HERC1: variants seen among roughly 807,000 people sequenced by gnomAD.
The protein encoded by HERC1 is HECT and RLD domain containing E3 ubiquitin protein ligase family member 1.
In HERC1, 160 loss-of-function variants were observed where a neutral mutation model predicts 554.3. That is an observed-to-expected ratio of 0.29 (90% CI 0.25 to 0.33). The LOEUF (loss-of-function observed/expected upper bound fraction) is 0.33, where lower values mean the gene tolerates loss of function less well. Ranked by LOEUF, HERC1 falls within the 10% of genes least tolerant of loss-of-function variation. HERC1 has a pLI of 1.00. For synonymous variants in HERC1, 2,175 were observed against 2,131.7 expected (o/e 1.02, Z -0.56); for missense variants, 4,919 against 5,918.5 (o/e 0.83, Z 5.54).
At chr15:63,666,311 G>A (rs1331942920) in intron 41 of HERC1, 45 bp downstream of exon 41, 1 of 1,442,916 alleles carries the variant, frequency 6.9e-7, no homozygotes, top group African/African-American at 1.4e-5. Context: ...AATAAGCTAG[G>A]ACTTCTCATA....
rs1483591796 is a variant in HERC1, at chr15:63,633,943, C to T, written c.12598G>A (p.Ala4200Thr). Residue 4200 changes from alanine (A) to threonine (T), a missense_variant, in exon 67 of 78, where the codon GCA becomes ACA. Ala to Thr is a moderately conservative substitution (Grantham distance 58). This residue lies in a region of HERC1 where 410 missense variants were observed against 467.0 expected (regional missense o/e 0.88). Transcript: ENST00000443617. The stretch of plus-strand genomic sequence containing the variant: ...ACCATGGAACCATCTGCTGACACTG[C>T]CAAAGTGTGGTTTAATCCACAGGCC... ...QVACGLNHTL[A>T]VSADGSMVWA... 3 of 1,613,872 alleles carry T rather than the reference C, an allele frequency of 1.9e-6. No individual in the cohort carries two copies. The highest frequency in any genetic ancestry group is 2.2e-5 in the South Asian group (2 of 91,058).
At position 63,727,886 on chromosome 15, in the gene HERC1, T is replaced by C; in HGVS notation, c.3155-48A>G. 1 of 1,493,234 alleles carries C rather than the reference T, an allele frequency of 6.7e-7. No individual in the cohort carries two copies. 92.5% of individuals were successfully genotyped at this position (1,493,234 alleles called of 1,614,324 possible). On this transcript the variant is annotated intron_variant, in intron 16 of 77. Transcript: ENST00000443617. The surrounding 1 kb of genome is among the most constrained non-coding windows in gnomAD (Gnocchi z 4.3). ...CATGGGACAATTGCTTCAAATGAAC[T>C]TTAAAAAAAGGAACCTAATAAATAT...
At chr15:63,819,598 C>T (rs146390156) in intron 1 of HERC1, among the ~76,000 whole-genome samples, 95 of 152,268 alleles carry the variant, frequency 6.2e-4, no homozygotes, top group African/African-American at 2.2e-3. Flanking sequence ...AACATCTATT[C>T]CTCTCCTTGG....
At chr15:63,637,667 A>G (rs1232482861) in intron 63 of HERC1, 24 bp from the exon 64 acceptor site, 12 of 1,531,544 alleles carry the variant, frequency 7.8e-6, no homozygotes, top group Non-Finnish European at 1.1e-5. Context: ...ACAGAATTAA[A>G]TATTTTATTC....
intron 33 of HERC1, among the ~76,000 whole-genome samples, chr15:63,688,466 C>G (rs956112319): frequency 8.5e-5 from 13 of 152,158 alleles, no homozygotes; most frequent in African/African-American, 2.9e-4. Flanking sequence ...AATGCCAGAA[C>G]TTGAATTTAA....
At chr15:63,746,383 A>G (rs1008768942) in intron 12 of HERC1, among the ~76,000 whole-genome samples, 5 of 152,186 alleles carry the variant, frequency 3.3e-5, no homozygotes, top group Non-Finnish European at 5.9e-5. Flanking sequence ...AAATATATAG[A>G]TATTTTTAAG....
At position 63,826,907 on chromosome 15, in the gene HERC1, C is replaced by T. The variant is rs184723686; in HGVS notation, c.-27+6920G>A. Among the ~76,000 whole-genome samples the T allele has an allele frequency of 1.1e-3, 150 of 138,940 alleles. 3 individuals carry two copies. In the East Asian group the frequency reaches 0.032, roughly 29 times the overall value. The allele number at this position is 138,940 out of a possible 152,430, so 91.2% of individuals were successfully genotyped here. A position where few individuals can be genotyped will look rare whatever the true frequency, so the allele number is the denominator to read the frequency against. On this transcript the variant is annotated intron_variant, in intron 1 of 77. Transcript: ENST00000443617. ...ACTGGTGAGAATGCAAATTGGTATA[C>T]TTGTGGAGGAAAATCTGGAATTTGG...
intron 1 of HERC1, among the ~76,000 whole-genome samples, chr15:63,825,228 G>A (rs2077853553): frequency 2.6e-5 from 4 of 152,192 alleles, no homozygotes; most frequent in Admixed American, 2.6e-4. Flanking sequence ...CTGAACCCAA[G>A]GTGGAGGTTA....
chr15:63,676,649 G>A (rs201624620), intron 37 of HERC1, among the ~76,000 whole-genome samples: 5 of 152,052 alleles, frequency 3.3e-5, no homozygotes, highest in African/African-American at 4.8e-5. Context: ...CCAGCTACTC[G>A]GAAGACTGAG....
chr15:63,689,754 T>A, intron 32 of HERC1, 55 bp from the exon 33 acceptor site: 1 of 1,066,240 alleles, frequency 9.4e-7, no homozygotes, highest in Non-Finnish European at 1.4e-6. Flanking sequence ...TTAAGTATTT[T>A]TAGAAAAGCT....
intron 2 of HERC1, among the ~76,000 whole-genome samples, chr15:63,773,511 T>A (rs1405467792): frequency 4.6e-5 from 7 of 151,856 alleles, no homozygotes; most frequent in Non-Finnish European, 1.5e-5. Flanking sequence ...TTTAAGTGTT[T>A]GAGTCTTAAT....
chr15:63,774,627 A>G, intron 2 of HERC1, 67 bp downstream of exon 2: 1 of 1,181,330 alleles, frequency 8.5e-7, no homozygotes, highest in Non-Finnish European at 1.2e-6. Flanking sequence ...CCACCAATTC[A>G]TTAAAAACTG....
intron 1 of HERC1, among the ~76,000 whole-genome samples, chr15:63,790,928 G>C (rs1028911943): frequency 8.6e-5 from 13 of 151,544 alleles, no homozygotes; most frequent in Non-Finnish European, 1.2e-4. Context: ...TTTTAATTTG[G>C]GTATATAAAA....
chr15:63,726,605 T>C (rs1007666693), intron 17 of HERC1, among the ~76,000 whole-genome samples: 1 of 152,140 alleles, frequency 6.6e-6, no homozygotes, highest in Non-Finnish European at 1.5e-5. Flanking sequence ...ATAACATTCC[T>C]GGAAATATAT....
chr15:63,623,039 G>A (rs903943215), intron 73 of HERC1, 148 bp from the exon 74 acceptor site: 1 of 589,686 alleles, frequency 1.7e-6, no homozygotes, highest in South Asian at 2.2e-5. Flanking sequence ...TTATTTTTGT[G>A]GTTTCAATTT....
In HERC1 at chr15:63,680,470, T is replaced by C. The variant is rs540802063; in HGVS notation, c.6465+67A>G. The C allele has an allele frequency of 1.0e-4, 157 of 1,538,812 alleles. No homozygotes were observed. Among genetic ancestry groups the C allele is most frequent in the Admixed American group, 3.1e-4 (16 of 51,878 alleles). ...AATCTATAAACTGAATACGTGGCAC[T>C]TGAATAACCGAGTTGACTATAAATA... is the stretch of plus-strand genomic sequence containing the variant. On this transcript the variant is annotated intron_variant, in intron 35 of 77. Transcript: ENST00000443617. This position sits in a 1 kb window ranked among gnomAD's most constrained non-coding sequence, Gnocchi z 5.8.
chr15:63,785,297 G>T (rs151025071), intron 1 of HERC1, among the ~76,000 whole-genome samples: 2,013 of 152,146 alleles, frequency 0.013, 24 homozygotes, highest in East Asian at 0.022. Flanking sequence ...GGTGGTACAC[G>T]ACTGTGGTCC....
chr15:63,624,377 G>T (rs372447733), intron 71 of HERC1, 50 bp from the exon 72 acceptor site: 9 of 1,481,162 alleles, frequency 6.1e-6, no homozygotes, highest in Admixed American at 2.2e-5. Context: ...AGGCTTAAAA[G>T]AAATAACAAT....
Position 63,634,907 on chromosome 15 carries a change from G to C in HERC1, c.12415-19C>G. The C allele has an allele frequency of 6.4e-7, 1 of 1,550,984 alleles. No individual in the cohort carries two copies. Among genetic ancestry groups the C allele is most frequent in the Non-Finnish European group, 8.7e-7 (1 of 1,150,880 alleles). ...AAGACATCTAAGACAGAACCAAGGA[G>C]AAAGAAAATTTTTAAGAAGGGAAAC... On this transcript the variant is annotated intron_variant, in intron 65 of 77. Transcript: ENST00000443617.
Sources: allele counts gnomAD v4.1 joint callset (sites outside exome capture counted in the v4.1 genomes callset), GRCh38; gene constraint gnomAD v4.1.1; regional missense constraint gnomAD v4.1.1; non-coding constraint Gnocchi (gnomAD v3.1); transcripts MANE v1.5; gene names NCBI Gene and HGNC (gene_info 2026-07-23, HGNC 2026-07-21).